The following PAK1 variants were observed in gnomAD, a reference collection of about 807,000 sequenced individuals.
The protein encoded by PAK1 is serine/threonine-protein kinase PAK 1.
A neutral mutation model predicts 67.4 loss-of-function variants in PAK1; 29 were observed. The ratio of observed to expected loss-of-function variants is 0.43; its 90% CI spans 0.32 to 0.59. PAK1 has a LOEUF of 0.59. Ranked by LOEUF, PAK1 falls within the 20% of genes least tolerant of loss-of-function variation. PAK1 has a pLI of 0.07. For missense variants in PAK1, 337 were observed against 670.7 expected (o/e 0.50, Z 5.50); for synonymous variants, 223 against 237.4 (o/e 0.94, Z 0.56).
intron 5 of PAK1, among the ~76,000 whole-genome samples, chr11:77,367,217 G>C (rs1283270769): frequency 6.6e-6 from 1 of 152,166 alleles, no homozygotes; most frequent in African/African-American, 2.4e-5. Context: ...AAGGGCACTA[G>C]GGAACTTTTT....
intron 1 of PAK1, among the ~76,000 whole-genome samples, chr11:77,399,816 G>A (rs1349443085): frequency 1.8e-3 from 194 of 105,610 alleles, no homozygotes; most frequent in Middle Eastern, 0.012. Flanking sequence ...CCGAGATCCC[G>A]CCACTGCACT....
At chr11:77,517,596 C>T in the PAK1 span, among the ~76,000 whole-genome samples, 2 of 152,234 alleles carry the variant, frequency 1.3e-5, no homozygotes, top group African/African-American at 4.8e-5. Flanking sequence ...TTCCACAGAC[C>T]AGTGTGTGTA....
chr11:77,385,088 C>T (rs1462568330), intron 2 of PAK1, among the ~76,000 whole-genome samples: 1 of 151,848 alleles, frequency 6.6e-6, no homozygotes, highest in Admixed American at 6.6e-5. Context: ...AGGTAATTAC[C>T]AAAAACTGGA....
intron 1 of PAK1, among the ~76,000 whole-genome samples, chr11:77,420,255 C>T (rs478475): frequency 0.7 from 106,625 of 152,034 alleles, 38,265 homozygotes; most frequent in African/African-American, 0.85. Context: ...GTTTAGGAAA[C>T]AGTAAATAAC....
At chr11:77,353,651 A>G (rs1270779700) in intron 7 of PAK1, 52 bp from the exon 8 acceptor site, 2 of 1,432,726 alleles carry the variant, frequency 1.4e-6, no homozygotes, top group Non-Finnish European at 2.0e-6. Context: ...CAAGATACAA[A>G]AAAGGTTCCA....
intron 5 of PAK1, among the ~76,000 whole-genome samples, chr11:77,371,775 GACAGCCTTAGTGGTTTTAATTGTAGAT>G (rs890248966): frequency 1.3e-5 from 2 of 152,204 alleles, no homozygotes; most frequent in Non-Finnish European, 2.9e-5. Context: ...CAATGTCCTT[GACAGCCTTAGTGGTTTTAATTGTAGAT>G]ACTAAACCAG....
intron 1 of PAK1, among the ~76,000 whole-genome samples, chr11:77,429,150 C>A (rs1955743403): frequency 7.2e-6 from 1 of 138,026 alleles, no homozygotes; most frequent in Admixed American, 7.7e-5. Context: ...CAGGATGAAC[C>A]TAGAACATCT....
chr11:77,459,240 G>T (rs1179273233), intron 1 of PAK1, among the ~76,000 whole-genome samples: 1 of 152,140 alleles, frequency 6.6e-6, no homozygotes, highest in Non-Finnish European at 1.5e-5. Flanking sequence ...CTTTTGGGAA[G>T]AACAGTGACA....
chr11:77,329,849 T>A (rs576142945), intron 14 of PAK1, among the ~76,000 whole-genome samples: 1 of 152,328 alleles, frequency 6.6e-6, no homozygotes, highest in South Asian at 2.1e-4. Flanking sequence ...AAATTGTCCC[T>A]GTTTGCAGAT....
the PAK1 span, among the ~76,000 whole-genome samples, chr11:77,521,830 G>A: frequency 3.5e-4 from 53 of 152,262 alleles, no homozygotes; most frequent in African/African-American, 1.2e-3. Context: ...ATATTGATCC[G>A]GATTTCTACA....
chr11:77,444,052 C>T (rs1956481953), intron 1 of PAK1, among the ~76,000 whole-genome samples: 1 of 152,066 alleles, frequency 6.6e-6, no homozygotes, highest in African/African-American at 2.4e-5. Context: ...AAAAAGAATT[C>T]CAGTGACTTA....
At chr11:77,479,222 G>C (rs114254376), upstream of PAK1, among the ~76,000 whole-genome samples, 1,034 of 152,202 alleles carry the variant, frequency 6.8e-3, 24 homozygotes, top group African/African-American at 0.024. Flanking sequence ...TGGCTTCAAG[G>C]AAATGAATTT....
intron 14 of PAK1, among the ~76,000 whole-genome samples, chr11:77,331,699 T>C (rs529013083): frequency 6.6e-6 from 1 of 151,746 alleles, no homozygotes; most frequent in East Asian, 1.9e-4. Context: ...GACGAGTTAA[T>C]GGGTACAGCA....
intron 5 of PAK1, among the ~76,000 whole-genome samples, chr11:77,372,125 C>T (rs555569309): frequency 1.7e-4 from 26 of 152,132 alleles, no homozygotes; most frequent in Non-Finnish European, 3.1e-4. Context: ...TTTTTAACAC[C>T]GTGCATCGCA....
At chr11:77,410,940 G>C (rs111475149) in intron 1 of PAK1, among the ~76,000 whole-genome samples, 4,885 of 152,228 alleles carry the variant, frequency 0.032, 132 homozygotes, top group African/African-American at 0.074. Flanking sequence ...CTCCAGAGAA[G>C]AGAGTCTAGT....
At chr11:77,427,075 CCCA>C (rs1462991965) in intron 1 of PAK1, among the ~76,000 whole-genome samples, 2 of 152,120 alleles carry the variant, frequency 1.3e-5, no homozygotes, top group Non-Finnish European at 2.9e-5. Context: ...TCTAGAAACC[CCCA>C]CATGCTACAA....
chr11:77,427,967 G>A (rs1476357173), intron 1 of PAK1, among the ~76,000 whole-genome samples: 2 of 152,172 alleles, frequency 1.3e-5, no homozygotes, highest in Non-Finnish European at 2.9e-5. Context: ...AAAGCCAGAG[G>A]AGTAAATGTA....
chr11:77,470,172 A>C (rs1208587222), intron 1 of PAK1, among the ~76,000 whole-genome samples: 1 of 152,200 alleles, frequency 6.6e-6, no homozygotes, highest in Non-Finnish European at 1.5e-5. Flanking sequence ...TTAATGTCTC[A>C]AATTGGCAAC....
intron 1 of PAK1, among the ~76,000 whole-genome samples, chr11:77,446,372 C>G (rs1956601573): frequency 6.6e-6 from 1 of 151,996 alleles, no homozygotes; most frequent in Non-Finnish European, 1.5e-5. Flanking sequence ...ATTAGCCAGG[C>G]ATGCTGGTGC....
Sources: gnomAD v4.1 joint callset for allele counts (sites outside exome capture counted in the v4.1 genomes callset) on GRCh38, gnomAD v4.1.1 for gene constraint, MANE v1.5 for transcripts, NCBI Gene and HGNC (gene_info 2026-07-23, HGNC 2026-07-21) for gene names.